TMEM266: variants seen among roughly 807,000 people sequenced by gnomAD.
TMEM266 encodes the protein transmembrane protein 266, also known as Hv1 related protein 1.
In TMEM266, 33 loss-of-function variants were observed where a neutral mutation model predicts 50.5. The ratio of observed to expected loss-of-function variants is 0.65; its 90% CI spans 0.50 to 0.87. TMEM266 has a LOEUF of 0.87. TMEM266 is among the 40% of genes least tolerant of loss of function. The pLI is 0.00. For missense variants in TMEM266, 655 were observed against 695.1 expected (o/e 0.94, Z 0.65); for synonymous variants, 310 against 292.3 (o/e 1.06, Z -0.62).
chr15:76,067,279 A>G (rs2036440980), intron 1 of TMEM266, among the ~76,000 whole-genome samples: 1 of 152,210 alleles, frequency 6.6e-6, no homozygotes, highest in South Asian at 2.1e-4. Context: ...CAAATTACAG[A>G]AATGCAGACC....
intron 1 of TMEM266, among the ~76,000 whole-genome samples, chr15:76,126,950 G>C (rs577226189): frequency 1.1e-3 from 169 of 151,952 alleles, no homozygotes; most frequent in African/African-American, 3.8e-3. Context: ...TTGGTCAAAG[G>C]GTATAAATCT....
Position 76,168,488 on chromosome 15 carries a change from C to T in TMEM266, c.457-1328C>T, listed in dbSNP as rs1596148143. On this transcript the variant is annotated intron_variant, in intron 5 of 10. Coordinates refer to ENST00000388942, the MANE Select transcript of TMEM266 (RefSeq NM_152335.3). This position sits in a 1 kb window ranked among gnomAD's most constrained non-coding sequence, Gnocchi z 4.4. ...GAGGGGCACCATCTGGTGTGAATCA[C>T]CGTGAATTAAAGTCATCTTGGCTCA... is the stretch of plus-strand genomic sequence containing the variant. Among the ~76,000 whole-genome samples, 1 of 152,158 alleles carries T rather than the reference C, an allele frequency of 6.6e-6. No homozygotes were observed. Among genetic ancestry groups the T allele is most frequent in the Admixed American group, 6.5e-5 (1 of 15,276 alleles).
At chr15:76,124,166 C>G (rs2037384666) in intron 1 of TMEM266, among the ~76,000 whole-genome samples, 1 of 152,306 alleles carries the variant, frequency 6.6e-6, no homozygotes, top group Admixed American at 6.5e-5. Context: ...AAGATGCCTC[C>G]TGAATAAAAG....
At position 76,192,020 on chromosome 15, in the gene TMEM266, C is replaced by A; in HGVS notation, c.821C>A (p.Ala274Asp). 6.4e-7 allele frequency: 1 copy of A among 1,574,372 alleles called. No individual in the cohort carries two copies. Residue 274 changes from alanine (A) to aspartate (D), a missense_variant, in exon 9 of 11, where the codon GCT becomes GAT. By Grantham distance (126) the Ala-to-Asp change is moderately radical. Coordinates refer to ENST00000388942, the MANE Select transcript of TMEM266 (RefSeq NM_152335.3). ...CTGGCGCAGCAGGACCTGGACCTGG[C>A]TGCCGAGCGCGAAGCGGCGCTCCAG...
chr15:76,068,921 T>C (rs2036487774), intron 1 of TMEM266, among the ~76,000 whole-genome samples: 1 of 152,222 alleles, frequency 6.6e-6, no homozygotes, highest in South Asian at 2.1e-4. Flanking sequence ...GTGGCAGGGC[T>C]GGAACATAGT....
chr15:76,201,609 C>T (rs574107096), intron 9 of TMEM266, among the ~76,000 whole-genome samples: 121 of 152,310 alleles, frequency 7.9e-4, no homozygotes, highest in African/African-American at 2.6e-3. Context: ...CTGTTATTTG[C>T]TCAGTAATTA....
chr15:76,183,920 G>A lies in TMEM266; in HGVS notation c.769-8048G>A, dbSNP rs114781175. On this transcript the variant is annotated intron_variant, in intron 8 of 10. Coordinates refer to ENST00000388942, the MANE Select transcript of TMEM266 (RefSeq NM_152335.3). Reference sequence around the variant, plus strand: ...GGAACCGGAGCAGACGTGGGAGGTGGTGGGTGGTCTGATTGGGAGCCAGGG... The same window carrying A: ...GGAACCGGAGCAGACGTGGGAGGTGATGGGTGGTCTGATTGGGAGCCAGGG... 9.5e-3 allele frequency among the ~76,000 whole-genome samples: 1,451 copies of A among 152,308 alleles called. 28 individuals carry two copies. The highest frequency in any genetic ancestry group is 0.034 in the African/African-American group (1,404 of 41,542).
intron 10 of TMEM266, 62 bp downstream of exon 10, chr15:76,202,326 A>G: frequency 6.8e-7 from 1 of 1,474,566 alleles, no homozygotes; most frequent in Middle Eastern, 1.8e-4. Context: ...AAACCCAGAG[A>G]CAACTCGGCC....
chr15:76,190,811 G>A (rs1459543261), intron 8 of TMEM266, among the ~76,000 whole-genome samples: 1 of 152,166 alleles, frequency 6.6e-6, no homozygotes, highest in South Asian at 2.1e-4. Context: ...GGCTGGCGAG[G>A]TGCATTTGCG....
chr15:76,202,242 G>T lies in TMEM266; in HGVS notation c.999G>T (p.Gln333His). The change falls in exon 10 of 11, where the codon CAG becomes CAT. Residue 333 changes from glutamine to histidine, a missense_variant. This residue lies in a region of TMEM266 where 455 missense variants were observed against 401.8 expected (regional missense o/e 1.13). Transcript: ENST00000388942. The stretch of plus-strand genomic sequence containing the variant: ...ACGACATGAACAGCTACATCAGTCA[G>T]TATTACAATGGGCCCAGCAGTGGTA... 1.2e-6 allele frequency: 2 copies of T among 1,613,960 alleles called. No homozygotes were observed. The highest frequency in any genetic ancestry group is 1.7e-4 in the Middle Eastern group (1 of 6,058).
chr15:76,130,826 TA>T lies in TMEM266; in HGVS notation c.-96-3334del, dbSNP rs1231518178. On this transcript the variant is annotated intron_variant, in intron 1 of 10. Transcript: ENST00000388942. Reference sequence around the variant, plus strand: ...AATTTTCCTTCCTAAAAAGTTAAATTAAAAAAAATTTTTCATAATCTTTACT... The same window carrying T: ...AATTTTCCTTCCTAAAAAGTTAAATTAAAAAAATTTTTCATAATCTTTACT... Among the ~76,000 whole-genome samples, 4 of 152,254 alleles carry T rather than the reference TA, an allele frequency of 2.6e-5. 1 individual carries two copies. The highest frequency in any genetic ancestry group is 6.8e-3 in the Middle Eastern group (2 of 294).
Position 76,161,103 on chromosome 15 carries a change from C to T in TMEM266, c.456+935C>T, listed in dbSNP as rs1439938366. The stretch of plus-strand genomic sequence containing the variant: ...TGGTTTCTCCTAACAGAGCCTAGGA[C>T]TGGCCCAAGTCAGCGGGCCACTGTG... On this transcript the variant is annotated intron_variant, in intron 5 of 10. Coordinates refer to ENST00000388942, the MANE Select transcript of TMEM266 (RefSeq NM_152335.3). This position sits in a 1 kb window ranked among gnomAD's most constrained non-coding sequence, Gnocchi z 4.1. 1.3e-5 allele frequency among the ~76,000 whole-genome samples: 2 copies of T among 152,186 alleles called. No individual in the cohort carries two copies. The highest frequency in any genetic ancestry group is 2.9e-5 in the Non-Finnish European group (2 of 68,040).
chr15:76,118,224 C>T (rs2037280809), intron 1 of TMEM266, among the ~76,000 whole-genome samples: 1 of 152,190 alleles, frequency 6.6e-6, no homozygotes, highest in Non-Finnish European at 1.5e-5. Context: ...CATCTTCAGT[C>T]ATTATTTACA....
At chr15:76,136,811 G>A (rs888773407) in intron 2 of TMEM266, among the ~76,000 whole-genome samples, 33 of 152,154 alleles carry the variant, frequency 2.2e-4, no homozygotes, top group Admixed American at 3.9e-4. Flanking sequence ...GTTTTTAGTC[G>A]TTATTGACAT....
intron 3 of TMEM266, among the ~76,000 whole-genome samples, chr15:76,141,888 G>A (rs2037685150): frequency 6.6e-6 from 1 of 152,104 alleles, no homozygotes; most frequent in Non-Finnish European, 1.5e-5. Flanking sequence ...TGTCCACAAG[G>A]TTCATCCATG....
At chr15:76,109,010 A>G (rs1386313936) in intron 1 of TMEM266, 2 of 152,160 alleles carry the variant, frequency 1.3e-5, no homozygotes, top group Non-Finnish European at 2.9e-5. Flanking sequence ...TCTCCTGTGT[A>G]TCTCCCTTTG....
intron 9 of TMEM266, among the ~76,000 whole-genome samples, chr15:76,197,051 CCA>C (rs1234604590): frequency 7.2e-5 from 11 of 152,226 alleles, no homozygotes; most frequent in African/African-American, 2.4e-4. Flanking sequence ...GCTGCAGCAT[CCA>C]GAGACACTGC....
chr15:76,182,429 G>A (rs1378962019), intron 8 of TMEM266, among the ~76,000 whole-genome samples: 1 of 151,954 alleles, frequency 6.6e-6, no homozygotes, highest in African/African-American at 2.4e-5. Context: ...GAGGTCAGGA[G>A]GTCGAGACCA....
rs1231192714 is a variant in TMEM266, at chr15:76,198,996, C to G, written c.959-3206C>G. ...CCTCATGGCCACCTAGGGACCTCGGCTCTGTGTCAGGCACATCCCGGGAGC... is the reference window on the plus strand; with the variant it reads ...CCTCATGGCCACCTAGGGACCTCGGGTCTGTGTCAGGCACATCCCGGGAGC... On this transcript the variant is annotated intron_variant, in intron 9 of 10. Transcript: ENST00000388942. Among the ~76,000 whole-genome samples, 3 of 94,882 alleles carry G rather than the reference C, an allele frequency of 3.2e-5. 1 individual carries two copies. The East Asian group carries it at 2.1e-3, about 66-fold the overall frequency. The allele number at this position is 94,882 out of a possible 152,430, so 62.2% of individuals were successfully genotyped here.
Sources: allele counts gnomAD v4.1 joint callset (sites outside exome capture counted in the v4.1 genomes callset), GRCh38; gene constraint gnomAD v4.1.1; regional missense constraint gnomAD v4.1.1; non-coding constraint Gnocchi (gnomAD v3.1); transcripts MANE v1.5; gene names NCBI Gene and HGNC (gene_info 2026-07-23, HGNC 2026-07-21).